Variants in CP observed in about 807,000 individuals in gnomAD.
The protein encoded by CP is ceruloplasmin, also known as caeruloplasmin.
A neutral mutation model predicts 122.4 loss-of-function variants in CP; 64 were observed. The observed-to-expected ratio is 0.52, with a 90% CI of 0.43 to 0.64. CP has a LOEUF of 0.64. Among genes scored for constraint, CP ranks in the 30% least tolerant of loss-of-function variants. CP has a pLI of 0.00. For missense variants in CP, 1,167 were observed against 1,284.4 expected, an observed-to-expected ratio of 0.91 and a Z score of 1.40; for synonymous variants, 440 against 436.4, an observed-to-expected ratio of 1.01 and a Z score of -0.10.
intron 13 of CP, 114 bp downstream of exon 13, chr3:149,183,352 A>C: frequency 9.2e-7 from 1 of 1,086,508 alleles, no homozygotes; most frequent in Non-Finnish European, 1.4e-6. Context: ...TTTTTATTTG[A>C]ACAACTTTGA....
chr3:149,219,025 A>G (rs1728644781), intron 1 of CP, among the ~76,000 whole-genome samples: 1 of 152,198 alleles, frequency 6.6e-6, no homozygotes, highest in South Asian at 2.1e-4. Flanking sequence ...CATGCTGCAA[A>G]TCTGGGACAA....
At chr3:149,164,467 C>T (rs1724212054) in intron 5 of CP, among the ~76,000 whole-genome samples, 1 of 152,146 alleles carries the variant, frequency 6.6e-6, no homozygotes, top group Admixed American at 6.5e-5. Flanking sequence ...CTGACTGCAA[C>T]AGTGTTTTGG....
At chr3:149,184,180 G>T (rs896767348) in intron 12 of CP, among the ~76,000 whole-genome samples, 5 of 151,136 alleles carry the variant, frequency 3.3e-5, no homozygotes, top group Non-Finnish European at 1.5e-5. Context: ...GACTACAAGC[G>T]CCCGCCACCA....
intron 1 of CP, among the ~76,000 whole-genome samples, chr3:149,220,014 T>C (rs1378441422): frequency 2.0e-5 from 3 of 152,166 alleles, no homozygotes; most frequent in African/African-American, 7.2e-5. Flanking sequence ...ATGTCTCTAT[T>C]AGCAGCATAA....
intron 1 of CP, among the ~76,000 whole-genome samples, chr3:149,221,003 A>C (rs1006446715): frequency 2.0e-5 from 3 of 152,210 alleles, no homozygotes; most frequent in Non-Finnish European, 4.4e-5. Flanking sequence ...TTTAAGTTAC[A>C]TGGAGCTTTT....
Position 149,210,188 on chromosome 3 carries a change from G to A in CP, c.586C>T (p.Pro196Ser). ...PKDIASGLIG[P>S]LIICKKDSLD... ...GTACCTTTTTTACAGATTATTAAAGGTCCGATGAGTCCTGAGGCAATATCT... is the reference window on the plus strand; with the variant it reads ...GTACCTTTTTTACAGATTATTAAAGATCCGATGAGTCCTGAGGCAATATCT... The change falls in exon 3 of 19, where the codon CCT becomes TCT. Residue 196 changes from proline to serine, a missense_variant. Pro to Ser is a moderately conservative substitution (Grantham distance 74). This residue lies in a region of CP where 642 missense variants were observed against 627.3 expected (regional missense o/e 1.02). Coordinates refer to ENST00000264613, the MANE Select transcript of CP (RefSeq NM_000096.4). 1.2e-6 allele frequency: 2 copies of A among 1,613,950 alleles called. No individual in the cohort carries two copies. The highest frequency in any genetic ancestry group is 8.5e-7 in the Non-Finnish European group (1 of 1,179,890).
chr3:149,203,070 C>G (rs907345048), intron 6 of CP, among the ~76,000 whole-genome samples: 2 of 150,744 alleles, frequency 1.3e-5, no homozygotes, highest in African/African-American at 4.9e-5. Flanking sequence ...CAACGCCCGG[C>G]TAATTTTTTG....
Position 149,209,238 on chromosome 3 carries a change from C to T in CP, c.754G>A (p.Asp252Asn). The T allele has an allele frequency of 6.2e-7, 1 of 1,613,738 alleles. No homozygotes were observed. The highest frequency in any genetic ancestry group is 8.5e-7 in the Non-Finnish European group (1 of 1,179,734). ...EPEKVDKDNE[D>N]FQESNRMYSV... ...TACATTCTGTTACTCTCCTGGAAGT[C>T]TTCGTTGTCTTTGTCAACTTTCTCT... The change falls in exon 4 of 19, where the codon GAC (aspartate) becomes AAC (asparagine). Residue 252 changes from aspartate to asparagine, a missense_variant. By Grantham distance (23) the Asp-to-Asn change is conservative. Transcript: ENST00000264613.
At chr3:149,165,938 G>T (rs1724369687) in intron 5 of CP, 2 of 447,046 alleles carry the variant, frequency 4.5e-6, no homozygotes, top group Non-Finnish European at 8.9e-6. Flanking sequence ...GGAAGAAAAG[G>T]TACCAACCTT....
rs1307873519 is a variant in CP, at chr3:149,162,882, A to G, written c.*14-7T>C. 6.2e-7 allele frequency: 1 copy of G among 1,610,184 alleles called. No individual in the cohort carries two copies. Among genetic ancestry groups the G allele is most frequent in the Non-Finnish European group, 8.5e-7 (1 of 1,176,510 alleles). ...ATTGCGAACATCGGAGGATCTGGTA[A>G]GATAATGGAATAATACCTTAAATTT... On this transcript the variant is annotated splice_polypyrimidine_tract_variant and splice_region_variant and intron_variant, in intron 5 of 5. Transcript: ENST00000479771.
At chr3:149,170,435 C>T (rs558568075), downstream of CP, 3 of 152,286 alleles carry the variant, frequency 2.0e-5, no homozygotes, top group South Asian at 6.2e-4. Context: ...TTATTAAGGT[C>T]TGATTTTATG....
chr3:149,200,720 A>C (rs1409942471), intron 7 of CP, among the ~76,000 whole-genome samples: 1 of 151,356 alleles, frequency 6.6e-6, no homozygotes, highest in Non-Finnish European at 1.5e-5. Flanking sequence ...CATGTTGACC[A>C]GGCTAGTCTC....
At chr3:149,172,305 T>C (rs1245942650), downstream of CP, 3 of 951,686 alleles carry the variant, frequency 3.2e-6, no homozygotes, top group Non-Finnish European at 4.8e-6. Context: ...AGAGGAGTTT[T>C]TTATTTTATA....
intron 1 of CP, among the ~76,000 whole-genome samples, chr3:149,217,353 C>T (rs1278065125): frequency 6.6e-6 from 1 of 152,124 alleles, no homozygotes; most frequent in African/African-American, 2.4e-5. Flanking sequence ...TGGGAGGCCA[C>T]TAGGCTGAGA....
rs368504045 is a variant in CP at position 149,204,798 on chromosome 3, A to G, written c.1208+1370T>C. Among the ~76,000 whole-genome samples, 20 of 152,300 alleles carry G rather than the reference A, an allele frequency of 1.3e-4. No individual in the cohort carries two copies. The East Asian group carries it at 2.3e-3, about 18-fold the overall frequency. ...TTGAAAGATCACAGTACTGCTTTGT[A>G]AAAAATCGATAGTAGAAAAGGAAGA... On this transcript the variant is annotated intron_variant, in intron 6 of 18. Coordinates refer to ENST00000264613, the MANE Select transcript of CP (RefSeq NM_000096.4).
Position 149,209,379 on chromosome 3 carries a change from G to C in CP, c.613C>G (p.Leu205Val). 1 of 1,613,020 alleles carries C rather than the reference G, an allele frequency of 6.2e-7. No homozygotes were observed. The highest frequency in any genetic ancestry group is 8.5e-7 in the Non-Finnish European group (1 of 1,179,340). Reference sequence around the variant, plus strand: ...ATATGTTTTTCTTTTTCTTTATCTAGAGAATCTGGAGTTAAAGTTACTATT... The same window carrying C: ...ATATGTTTTTCTTTTTCTTTATCTACAGAATCTGGAGTTAAAGTTACTATT... ...GPLIICKKDS[L>V]DKEKEKHIDR... The change falls in exon 4 of 19, where the codon CTA (leucine) becomes GTA (valine). Residue 205 changes from leucine (L) to valine (V), a missense_variant. This residue lies in a region of CP where 642 missense variants were observed against 627.3 expected (regional missense o/e 1.02). Coordinates refer to ENST00000264613, the MANE Select transcript of CP (RefSeq NM_000096.4).
intron 4 of CP, among the ~76,000 whole-genome samples, chr3:149,166,470 A>T (rs1724427132): frequency 6.6e-6 from 1 of 152,188 alleles, no homozygotes; most frequent in South Asian, 2.1e-4. Context: ...ACCTATGTAG[A>T]TTTTATAAAA....
At position 149,211,012 on chromosome 3, in the gene CP, C is replaced by T. The variant is rs527275574; in HGVS notation, c.395-633G>A. Among the ~76,000 whole-genome samples the T allele has an allele frequency of 6.6e-5, 10 of 152,218 alleles. No individual in the cohort carries two copies. The South Asian group carries it at 2.1e-3, about 32-fold the overall frequency. The stretch of plus-strand genomic sequence containing the variant: ...CCCTTTTTTTCTTCTAACAAAACCA[C>T]AGTTCCATTACCATACCTTTAAAAT... On this transcript the variant is annotated intron_variant, in intron 2 of 18. Coordinates refer to ENST00000264613, the MANE Select transcript of CP (RefSeq NM_000096.4).
intron 9 of CP, among the ~76,000 whole-genome samples, chr3:149,192,402 A>G (rs1346005754): frequency 6.6e-6 from 1 of 152,032 alleles, no homozygotes; most frequent in Non-Finnish European, 1.5e-5. Flanking sequence ...AATGTGTTAC[A>G]AGTAGCATTT....
Sources: gnomAD v4.1 joint callset for allele counts (sites outside exome capture counted in the v4.1 genomes callset) on GRCh38, gnomAD v4.1.1 for gene constraint, gnomAD v4.1.1 regional missense constraint, MANE v1.5 for transcripts, NCBI Gene and HGNC (gene_info 2026-07-23, HGNC 2026-07-21) for gene names.